GPHN: variants seen among roughly 807,000 people sequenced by gnomAD.
GPHN encodes the protein gephyrin.
In GPHN, 17 loss-of-function variants were observed where a neutral mutation model predicts 95.5. The observed-to-expected ratio is 0.18, with a 90% CI of 0.12 to 0.27. The LOEUF (loss-of-function observed/expected upper bound fraction) is 0.27. GPHN is among the 10% of genes least tolerant of loss of function. The pLI, the probability that GPHN is intolerant of heterozygous loss-of-function variation, is 1.00. For missense variants in GPHN, 660 were observed against 978.1 expected (o/e 0.67, Z 4.34); for synonymous variants, 320 against 322.5 (o/e 0.99, Z 0.08).
At chr14:66,790,543 C>A (rs1330335079) in intron 3 of GPHN, among the ~76,000 whole-genome samples, 1 of 152,144 alleles carries the variant, frequency 6.6e-6, no homozygotes, top group Non-Finnish European at 1.5e-5. Flanking sequence ...TTCCTATTTC[C>A]TGGAAGGTAG....
chr14:67,601,339 CAGTT>C, the GPHN span, among the ~76,000 whole-genome samples: 1 of 152,034 alleles, frequency 6.6e-6, no homozygotes, highest in Admixed American at 6.6e-5. Context: ...GTGGGGAAAA[CAGTT>C]GGAAGCTGGG....
the GPHN span, chr14:67,575,855 G>C: frequency 6.2e-7 from 1 of 1,613,868 alleles, no homozygotes; most frequent in Admixed American, 1.7e-5. Flanking sequence ...TGCGGGATGC[G>C]CACATAGAGG....
chr14:67,010,725 G>A (rs542611351), intron 9 of GPHN, among the ~76,000 whole-genome samples: 21 of 152,174 alleles, frequency 1.4e-4, no homozygotes, highest in African/African-American at 5.1e-4. Flanking sequence ...AGTTTCTGCA[G>A]AGTTTGATAC....
At chr14:67,593,682 A>G in the GPHN span, 1 of 925,168 alleles carries the variant, frequency 1.1e-6, no homozygotes, top group Non-Finnish European at 1.8e-6. Flanking sequence ...ATCTGGGAAC[A>G]TCCCATGGGC....
the GPHN span, among the ~76,000 whole-genome samples, chr14:67,399,482 G>T: frequency 6.8e-6 from 1 of 148,018 alleles, no homozygotes; most frequent in South Asian, 2.2e-4. Context: ...TAGTTTAGGT[G>T]GCTGTCAGGT....
rs543745287 is a variant in GPHN at position 66,872,600 on chromosome 14, A to G, written c.295-7339A>G. 4.1e-4 allele frequency among the ~76,000 whole-genome samples: 63 copies of G among 152,270 alleles called. 1 individual carries two copies. In the South Asian group the frequency reaches 0.013, roughly 32 times the overall value. ...TCCAGATTTAACTGTACTTATCTTA[A>G]GAATGCCGTATCCTCCAGGCATGGT... On this transcript the variant is annotated intron_variant, in intron 4 of 22. Coordinates refer to ENST00000478722, the MANE Select transcript of GPHN (RefSeq NM_020806.5).
At chr14:66,709,205 A>G (rs1173292078) in intron 2 of GPHN, among the ~76,000 whole-genome samples, 1 of 152,196 alleles carries the variant, frequency 6.6e-6, no homozygotes, top group East Asian at 1.9e-4. Flanking sequence ...AATAACTAAA[A>G]GATTAGCAGC....
At chr14:66,973,237 A>G (rs535362328) in intron 9 of GPHN, among the ~76,000 whole-genome samples, 2 of 152,300 alleles carry the variant, frequency 1.3e-5, no homozygotes, top group South Asian at 4.1e-4. Flanking sequence ...TAAGCATTAT[A>G]AATAGTTTAC....
At chr14:66,871,617 T>C (rs2063437246) in intron 4 of GPHN, among the ~76,000 whole-genome samples, 1 of 152,014 alleles carries the variant, frequency 6.6e-6, no homozygotes, top group South Asian at 2.1e-4. Flanking sequence ...GTAATAAAGA[T>C]TGGATAATGA....
the GPHN span, chr14:67,581,804 C>G: frequency 2.5e-6 from 1 of 405,476 alleles, no homozygotes. Context: ...ACTCCAGGTA[C>G]CAGATTTCCC....
chr14:67,193,401 ATATATATC>A, the GPHN span, among the ~76,000 whole-genome samples: 2 of 140,586 alleles, frequency 1.4e-5, no homozygotes, highest in East Asian at 2.1e-4. Context: ...ATATATCTAG[ATATATATC>A]TATATATCTA....
At chr14:67,577,051 C>A in the GPHN span, among the ~76,000 whole-genome samples, 1 of 152,192 alleles carries the variant, frequency 6.6e-6, no homozygotes, top group East Asian at 1.9e-4. Context: ...TCCACCTGCA[C>A]TCAGACACCC....
the GPHN span, among the ~76,000 whole-genome samples, chr14:67,467,524 C>T: frequency 6.6e-6 from 1 of 152,186 alleles, no homozygotes; most frequent in Non-Finnish European, 1.5e-5. Context: ...CACAATTTCA[C>T]AGCTCTCCTC....
chr14:67,095,714 A>G (rs1171297285), intron 12 of GPHN, among the ~76,000 whole-genome samples: 1 of 151,978 alleles, frequency 6.6e-6, no homozygotes, highest in Admixed American at 6.5e-5. Flanking sequence ...TCACTCATAG[A>G]TGGGAATTGA....
chr14:67,301,953 A>G, the GPHN span: 1 of 1,584,588 alleles, frequency 6.3e-7, no homozygotes. Flanking sequence ...TTAAAATGCC[A>G]TGGATTTCTT....
At chr14:66,800,892 T>G (rs2060325406) in intron 3 of GPHN, among the ~76,000 whole-genome samples, 1 of 152,144 alleles carries the variant, frequency 6.6e-6, no homozygotes, top group South Asian at 2.1e-4. Flanking sequence ...TCTTTTTTCT[T>G]TTGTCTCCTC....
chr14:66,724,996 T>C (rs1341553211), intron 2 of GPHN, among the ~76,000 whole-genome samples: 1 of 152,152 alleles, frequency 6.6e-6, no homozygotes, highest in Non-Finnish European at 1.5e-5. Context: ...GTCTGGTCTT[T>C]AGGAGGTAAT....
the GPHN span, among the ~76,000 whole-genome samples, chr14:67,445,123 T>G: frequency 6.6e-6 from 1 of 152,222 alleles, no homozygotes; most frequent in Non-Finnish European, 1.5e-5. Context: ...ACGCATGTCT[T>G]GCCCTTGGCA....
At chr14:67,203,686 G>A in the GPHN span, among the ~76,000 whole-genome samples, 1 of 152,088 alleles carries the variant, frequency 6.6e-6, no homozygotes, top group Non-Finnish European at 1.5e-5. Flanking sequence ...TTAAATGGAC[G>A]CTTTCTCATG....
Sources: allele counts gnomAD v4.1 joint callset (sites outside exome capture counted in the v4.1 genomes callset), GRCh38; gene constraint gnomAD v4.1.1; transcripts MANE v1.5; gene names NCBI Gene and HGNC (gene_info 2026-07-23, HGNC 2026-07-21).